Variants in PLEKHH2 observed in about 807,000 individuals in gnomAD.
PLEKHH2 encodes the protein pleckstrin homology, MyTH4 and FERM domain containing H2, also known as pleckstrin homology domain-containing family H member 2.
In PLEKHH2, 129 loss-of-function variants were observed where a neutral mutation model predicts 187.9. The ratio of observed to expected loss-of-function variants is 0.69; its 90% CI spans 0.59 to 0.79. The LOEUF (loss-of-function observed/expected upper bound fraction) is 0.79. PLEKHH2 is among the 30% of genes least tolerant of loss of function. The pLI is 0.00. For missense variants in PLEKHH2, 2,076 were observed against 1,751.2 expected (o/e 1.19, Z -3.31); for synonymous variants, 686 against 605.6 (o/e 1.13, Z -1.95).
At chr2:43,710,671 T>A in intron 14 of PLEKHH2, 96 bp downstream of exon 14, 1 of 1,490,688 alleles carries the variant, frequency 6.7e-7, no homozygotes, top group Non-Finnish European at 8.9e-7. Flanking sequence ...GATAATTCAG[T>A]GTTTCTTTAT....
chr2:43,652,591 T>C (rs1394509647), intron 2 of PLEKHH2, among the ~76,000 whole-genome samples: 1 of 152,078 alleles, frequency 6.6e-6, no homozygotes, highest in Non-Finnish European at 1.5e-5. Flanking sequence ...AGGAAAGAAA[T>C]AGTGATGCTG....
At chr2:43,750,597 G>A (rs138004212) in intron 24 of PLEKHH2, among the ~76,000 whole-genome samples, 45 of 152,118 alleles carry the variant, frequency 3.0e-4, no homozygotes, top group African/African-American at 9.9e-4. Context: ...CTAACATCAG[G>A]CCTTATTCTT....
intron 2 of PLEKHH2, among the ~76,000 whole-genome samples, chr2:43,654,523 T>C (rs1442150746): frequency 6.6e-6 from 1 of 151,436 alleles, no homozygotes; most frequent in Admixed American, 6.6e-5. Flanking sequence ...ACTGAATTTC[T>C]GTTCTTTAAG....
intron 15 of PLEKHH2, among the ~76,000 whole-genome samples, chr2:43,718,166 T>A (rs1437257067): frequency 6.6e-6 from 1 of 152,210 alleles, no homozygotes; most frequent in African/African-American, 2.4e-5. Context: ...ACCTTGAGAT[T>A]TGAGGTTGCC....
At chr2:43,654,843 A>G (rs571343722) in intron 2 of PLEKHH2, among the ~76,000 whole-genome samples, 6 of 152,134 alleles carry the variant, frequency 3.9e-5, no homozygotes, top group African/African-American at 1.2e-4. Context: ...CCTGGACAAC[A>G]TGGTGAAACC....
At chr2:43,738,857 A>G (rs1441828175) in intron 20 of PLEKHH2, among the ~76,000 whole-genome samples, 1 of 152,180 alleles carries the variant, frequency 6.6e-6, no homozygotes, top group Non-Finnish European at 1.5e-5. Context: ...ATACATTTCT[A>G]TATTTTTTCC....
At chr2:43,654,460 G>A (rs1666643294) in intron 2 of PLEKHH2, among the ~76,000 whole-genome samples, 1 of 151,814 alleles carries the variant, frequency 6.6e-6, no homozygotes, top group Non-Finnish European at 1.5e-5. Flanking sequence ...CTCCCAAAGT[G>A]CTGGGATTAC....
chr2:43,701,912 C>T (rs1430317825), intron 8 of PLEKHH2, among the ~76,000 whole-genome samples: 3 of 151,980 alleles, frequency 2.0e-5, no homozygotes, highest in Admixed American at 6.6e-5. Context: ...GAACTACAGA[C>T]GTTTACCACC....
chr2:43,653,682 G>A (rs1666599164), intron 2 of PLEKHH2, among the ~76,000 whole-genome samples: 1 of 152,216 alleles, frequency 6.6e-6, no homozygotes, highest in South Asian at 2.1e-4. Context: ...GCACAGGTCA[G>A]TTCTGGGAGT....
chr2:43,723,106 A>C (rs1558563893), intron 16 of PLEKHH2, among the ~76,000 whole-genome samples: 1 of 152,204 alleles, frequency 6.6e-6, no homozygotes, highest in Admixed American at 6.5e-5. Flanking sequence ...GATGAAACCT[A>C]GATTTTCATA....
At chr2:43,761,189 C>A in intron 27 of PLEKHH2, among the ~76,000 whole-genome samples, 1 of 152,098 alleles carries the variant, frequency 6.6e-6, no homozygotes, top group East Asian at 1.9e-4. Flanking sequence ...ACCCAACATT[C>A]ATTCCAGTTT....
At chr2:43,690,861 T>G (rs965541289) in intron 3 of PLEKHH2, among the ~76,000 whole-genome samples, 1 of 152,192 alleles carries the variant, frequency 6.6e-6, no homozygotes, top group Non-Finnish European at 1.5e-5. Context: ...CAATCAAGGA[T>G]CAAGTTTGTG....
chr2:43,717,287 A>T (rs1670259583), intron 15 of PLEKHH2, among the ~76,000 whole-genome samples: 1 of 152,034 alleles, frequency 6.6e-6, no homozygotes, highest in Admixed American at 6.6e-5. Flanking sequence ...GCATGGCAGC[A>T]CATGCCTGTA....
intron 19 of PLEKHH2, among the ~76,000 whole-genome samples, chr2:43,733,987 C>A (rs549047448): frequency 6.6e-6 from 1 of 152,114 alleles, no homozygotes; most frequent in Admixed American, 6.6e-5. Flanking sequence ...AAATGAAAAT[C>A]TAAACAGAGG....
chr2:43,666,958 G>A (rs1574499958), intron 2 of PLEKHH2, among the ~76,000 whole-genome samples: 1 of 152,152 alleles, frequency 6.6e-6, no homozygotes, highest in Non-Finnish European at 1.5e-5. Flanking sequence ...GTGATAGTAA[G>A]TAATGGCTTA....
At chr2:43,683,884 A>G (rs1307062432) in intron 3 of PLEKHH2, among the ~76,000 whole-genome samples, 1 of 152,090 alleles carries the variant, frequency 6.6e-6, no homozygotes, top group African/African-American at 2.4e-5. Context: ...TTTAATTTTT[A>G]GAGCAGTTTC....
Position 43,695,203 on chromosome 2 carries a change from A to G in PLEKHH2, c.481A>G (p.Thr161Ala). 6.3e-7 allele frequency: 1 copy of G among 1,591,716 alleles called. No individual in the cohort carries two copies. The highest frequency in any genetic ancestry group is 8.6e-7 in the Non-Finnish European group (1 of 1,165,546). ...CCAAAACCAAACTGAAGAGATAAGA[A>G]CAATGCAGTCAAAACTACAAGGTAC... Reference protein sequence around the residue: ...INQNQTEEIRTMQSKLQEVQG... With the variant: ...INQNQTEEIRAMQSKLQEVQG... The change falls in exon 6 of 30, where the codon ACA becomes GCA. Residue 161 changes from threonine to alanine, a missense_variant. Transcript: ENST00000282406.
At chr2:43,675,718 G>C (rs1417433218) in intron 2 of PLEKHH2, 2 of 1,613,774 alleles carry the variant, frequency 1.2e-6, no homozygotes, top group Non-Finnish European at 1.7e-6. Flanking sequence ...ACAGGTCTCA[G>C]AGTTATCGAG....
At chr2:43,642,935 T>G (rs1208030673) in intron 1 of PLEKHH2, among the ~76,000 whole-genome samples, 1 of 152,120 alleles carries the variant, frequency 6.6e-6, no homozygotes, top group Non-Finnish European at 1.5e-5. Flanking sequence ...TAGAAGAGTA[T>G]CCCTACATTT....
Sources: gnomAD v4.1 joint callset for allele counts (sites outside exome capture counted in the v4.1 genomes callset) on GRCh38, gnomAD v4.1.1 for gene constraint, MANE v1.5 for transcripts, NCBI Gene and HGNC (gene_info 2026-07-23, HGNC 2026-07-21) for gene names.